The following PGR variants were observed in gnomAD, a reference collection of about 807,000 sequenced individuals.
PGR encodes the protein nuclear receptor subfamily 3 group C member 3.
A neutral mutation model predicts 76.1 loss-of-function variants in PGR; 25 were observed. That is an observed-to-expected ratio of 0.33 (90% CI 0.24 to 0.46). The LOEUF (loss-of-function observed/expected upper bound fraction) is 0.46, where lower values mean the gene tolerates loss of function less well. PGR is among the 20% of genes least tolerant of loss of function. PGR has a pLI of 1.00. For missense variants in PGR, 1,172 were observed against 1,225.3 expected (o/e 0.96, Z 0.65); for synonymous variants, 579 against 535.0 (o/e 1.08, Z -1.14).
chr11:101,129,761 C>G lies in PGR; in HGVS notation c.-691G>C, dbSNP rs1252352002. The G allele has an allele frequency of 5.6e-6, 1 of 180,100 alleles. No homozygotes were observed. The highest frequency in any genetic ancestry group is 1.2e-5 in the Non-Finnish European group (1 of 84,154). The allele number at this position is 180,100 out of a possible 1,614,324, so 11.2% of individuals were successfully genotyped here. A position where few individuals can be genotyped will look rare whatever the true frequency, so the allele number is the denominator to read the frequency against. ...AAGCTAGTTCTCATTGAGAATGCCA[C>G]CCACACGCACAAATACAACAAGGCT... On this transcript the variant is annotated 5_prime_UTR_variant, in exon 1 of 8. Transcript: ENST00000325455.
chr11:101,107,704 A>G (rs1463086731), intron 2 of PGR, among the ~76,000 whole-genome samples: 1 of 152,134 alleles, frequency 6.6e-6, no homozygotes, highest in Non-Finnish European at 1.5e-5. Context: ...CTTCCCTCAT[A>G]TCTATGAAGT....
At chr11:101,079,813 G>A (rs12284689) in intron 3 of PGR, among the ~76,000 whole-genome samples, 3,634 of 152,296 alleles carry the variant, frequency 0.024, 122 homozygotes, top group African/African-American at 0.084. Context: ...GCATTCACAT[G>A]TTTCCTGCAG....
chr11:101,103,168 G>A (rs1287180412), intron 2 of PGR, among the ~76,000 whole-genome samples: 1 of 151,992 alleles, frequency 6.6e-6, no homozygotes, highest in East Asian at 1.9e-4. Flanking sequence ...TTCAAGGAGT[G>A]AAATGGTGAA....
Position 101,038,477 on chromosome 11 carries a change from T to G in PGR, c.*639A>C. On this transcript the variant is annotated 3_prime_UTR_variant, in exon 8 of 8. Coordinates refer to ENST00000325455, the MANE Select transcript of PGR (RefSeq NM_000926.4). The stretch of plus-strand genomic sequence containing the variant: ...TTGCATAATGATATGAATCTACTTA[T>G]TAACTTCCTAAGAGATTTGTGTTTC... The G allele has an allele frequency of 4.4e-6, 1 of 227,330 alleles. No homozygotes were observed. The highest frequency in any genetic ancestry group is 8.7e-6 in the Non-Finnish European group (1 of 114,344). 14.1% of individuals were successfully genotyped at this position (227,330 alleles called of 1,614,324 possible).
chr11:101,106,467 C>T (rs1014458521), intron 2 of PGR, among the ~76,000 whole-genome samples: 3 of 152,164 alleles, frequency 2.0e-5, no homozygotes, highest in Non-Finnish European at 4.4e-5. Context: ...TGAAAAAATG[C>T]TCATCATCAC....
chr11:101,038,662 G>C lies in PGR; in HGVS notation c.*454C>G, dbSNP rs528441377. ...TTTCCTCCTCACACAAATATATATA[G>C]ACAAAATTTTGCATACCATTTTAAA... On this transcript the variant is annotated 3_prime_UTR_variant, in exon 8 of 8. Transcript: ENST00000325455. 4.3e-6 allele frequency: 1 copy of C among 231,504 alleles called. No homozygotes were observed. The highest frequency in any genetic ancestry group is 6.2e-5 in the East Asian group (1 of 16,098). 14.3% of individuals were successfully genotyped at this position (231,504 alleles called of 1,614,324 possible). A position where few individuals can be genotyped will look rare whatever the true frequency, so the allele number is the denominator to read the frequency against.
chr11:101,098,739 G>A (rs769605359), intron 2 of PGR, among the ~76,000 whole-genome samples: 2 of 152,132 alleles, frequency 1.3e-5, no homozygotes, highest in Non-Finnish European at 2.9e-5. Context: ...GAGAGGATGG[G>A]ATATATTACT....
In PGR at chr11:101,127,895, TTCC is replaced by T. The variant is rs751489196; in HGVS notation, c.1173_1175del (p.Glu392del). On this transcript the variant is annotated inframe_deletion, in exon 1 of 8. Transcript: ENST00000325455. ...GGGAGCGCGCGGAGGCCTCCGCGCC[TTCC>T]TCCTCCTCCTTTATCTTTAGAGCGG... 5.2e-5 allele frequency: 83 copies of T among 1,587,618 alleles called. No homozygotes were observed. In the Middle Eastern group the frequency reaches 1.0e-3, roughly 19 times the overall value.
intron 4 of PGR, among the ~76,000 whole-genome samples, chr11:101,057,084 G>T (rs1860322746): frequency 6.6e-6 from 1 of 152,156 alleles, no homozygotes; most frequent in Non-Finnish European, 1.5e-5. Context: ...AACACTATAG[G>T]CTTGTGAGAC....
At chr11:101,041,082 G>A (rs369946015) in intron 7 of PGR, among the ~76,000 whole-genome samples, 9 of 131,654 alleles carry the variant, frequency 6.8e-5, no homozygotes, top group South Asian at 2.3e-4. Flanking sequence ...CATGGATACC[G>A]TATCATTCTT....
chr11:101,091,684 A>T, intron 3 of PGR, 76 bp downstream of exon 3: 1 of 832,208 alleles, frequency 1.2e-6, no homozygotes, highest in South Asian at 1.3e-5. Context: ...ATGAATAAGA[A>T]ATTGCAATTT....
At chr11:101,091,589 A>G (rs1861675070) in intron 3 of PGR, among the ~76,000 whole-genome samples, 171 bp downstream of exon 3, 1 of 152,236 alleles carries the variant, frequency 6.6e-6, no homozygotes, top group African/African-American at 2.4e-5. Flanking sequence ...TGTAAAGTTA[A>G]TGGAATGGTA....
Position 101,051,497 on chromosome 11 carries a change from CA to C in PGR, c.2283del (p.Phe761LeufsTer3). On this transcript the variant is annotated frameshift_variant, in exon 5 of 8. Coordinates refer to ENST00000325455, the MANE Select transcript of PGR (RefSeq NM_000926.4). LOFTEE classifies it high-confidence loss of function. ...TGTTTGTAGGATCTCCATCCTAGAC[CA>C]AACACCATTAAGCTCATCCAAGAAT... is the stretch of plus-strand genomic sequence containing the variant. The part of the protein sequence containing the change: ...IQYSWMSLMV[F>X]GLGWRSYKHV... The C allele has an allele frequency of 1.2e-6, 2 of 1,608,708 alleles. No homozygotes were observed. The highest frequency in any genetic ancestry group is 2.2e-5 in the South Asian group (2 of 90,982).
At chr11:101,105,124 G>A (rs758787493) in intron 2 of PGR, among the ~76,000 whole-genome samples, 15 of 152,202 alleles carry the variant, frequency 9.9e-5, no homozygotes, top group Non-Finnish European at 2.1e-4. Context: ...GAGAAGAGTA[G>A]TAGATAGTAC....
intron 7 of PGR, 166 bp downstream of exon 7, chr11:101,041,779 G>GAA (rs61351396): frequency 0.13 from 80,222 of 601,392 alleles, 3,734 homozygotes; most frequent in Non-Finnish European, 0.15. Flanking sequence ...TATTGAAAAT[G>GAA]AAAAAAAAAC....
At position 101,030,314 on chromosome 11, in the gene PGR, A is replaced by G. The variant is rs568065651; in HGVS notation, c.*8802T>C. Reference sequence around the variant, plus strand: ...AAAATGTGAATATCTACCATGTGCAAAACAGTCAAAGTATGTTAGGGGAAA... The same window carrying G: ...AAAATGTGAATATCTACCATGTGCAGAACAGTCAAAGTATGTTAGGGGAAA... On this transcript the variant is annotated 3_prime_UTR_variant, in exon 8 of 8. Coordinates refer to ENST00000325455, the MANE Select transcript of PGR (RefSeq NM_000926.4). 1.3e-5 allele frequency: 3 copies of G among 225,142 alleles called. No individual in the cohort carries two copies. The highest frequency in any genetic ancestry group is 2.7e-5 in the Non-Finnish European group (3 of 113,052). 13.9% of individuals were successfully genotyped at this position (225,142 alleles called of 1,614,324 possible).
chr11:101,062,947 A>T (rs1860569107), intron 3 of PGR, 195 bp from the exon 4 acceptor site: 3 of 482,294 alleles, frequency 6.2e-6, no homozygotes, highest in Non-Finnish European at 1.1e-5. Flanking sequence ...GATTAAAAAA[A>T]ATTTAGGCCT....
rs1380294697 is a variant in PGR at position 101,128,013 on chromosome 11, A to G, written c.1058T>C (p.Val353Ala). The G allele has an allele frequency of 1.9e-6, 3 of 1,609,594 alleles. No individual in the cohort carries two copies. Among genetic ancestry groups the G allele is most frequent in the Non-Finnish European group, 2.5e-6 (3 of 1,179,814 alleles). ...GCAGTCGGGGAAGTCGCCTACAGCG[A>G]CCGGGGTGGACGAGGCACAGGGTGA... ...RSSPCASSTP[V>A]AVGDFPDCAY... The change falls in exon 1 of 8, where the codon GTC becomes GCC. Residue 353 changes from valine to alanine, a missense_variant. By Grantham distance (64) the Val-to-Ala change is moderately conservative. This residue lies in a region of PGR where 893 missense variants were observed against 785.9 expected (regional missense o/e 1.14). Transcript: ENST00000325455.
intron 6 of PGR, among the ~76,000 whole-genome samples, chr11:101,046,339 A>T (rs1859885749): frequency 5.0e-5 from 4 of 79,470 alleles, no homozygotes; most frequent in South Asian, 7.4e-4. Context: ...TTTTTTTTAG[A>T]GACGGGGTTT....
Sources: gnomAD v4.1 joint callset for allele counts (sites outside exome capture counted in the v4.1 genomes callset) on GRCh38, gnomAD v4.1.1 for gene constraint, gnomAD v4.1.1 regional missense constraint, MANE v1.5 for transcripts, NCBI Gene and HGNC (gene_info 2026-07-23, HGNC 2026-07-21) for gene names.